Variants in MYO16 observed in about 807,000 individuals in gnomAD.
MYO16 encodes the protein myosin XVI.
MYO16 carries 94 observed loss-of-function variants against 205.3 expected under a neutral mutation model. The ratio of observed to expected loss-of-function variants is 0.46; its 90% CI spans 0.39 to 0.54. The LOEUF is 0.54. Among genes scored for constraint, MYO16 ranks in the 20% least tolerant of loss-of-function variants. The pLI, the probability that MYO16 is intolerant of heterozygous loss-of-function variation, is 0.00. For missense variants in MYO16, 2,315 were observed against 2,387.5 expected (o/e 0.97, Z 0.63); for synonymous variants, 988 against 954.0 (o/e 1.04, Z -0.66).
chr13:108,668,597 AG>A (rs1166075357), intron 2 of MYO16, among the ~76,000 whole-genome samples: 2 of 152,166 alleles, frequency 1.3e-5, no homozygotes, highest in Admixed American at 1.3e-4. Context: ...CTTGGATCAG[AG>A]CCCCCTCCTC....
At chr13:109,107,810 C>CATATTTATATT (rs1555332132) in intron 28 of MYO16, among the ~76,000 whole-genome samples, 2 of 141,398 alleles carry the variant, frequency 1.4e-5, no homozygotes, top group Non-Finnish European at 3.1e-5. Flanking sequence ...CATATATATT[C>CATATTTATATT]ATATTATATT....
intron 12 of MYO16, among the ~76,000 whole-genome samples, chr13:108,874,868 C>A (rs1879251620): frequency 6.6e-6 from 1 of 152,126 alleles, no homozygotes; most frequent in Non-Finnish European, 1.5e-5. Context: ...GCGAAACCAG[C>A]AGCCCAGGGC....
intron 13 of MYO16, among the ~76,000 whole-genome samples, chr13:108,886,019 G>C (rs1879857325): frequency 1.3e-5 from 2 of 151,466 alleles, no homozygotes; most frequent in African/African-American, 4.9e-5. Flanking sequence ...CTTGAGTCTC[G>C]CTCTGTCGCC....
intron 16 of MYO16, among the ~76,000 whole-genome samples, chr13:108,949,576 A>G (rs1261996553): frequency 1.3e-5 from 2 of 152,220 alleles, no homozygotes; most frequent in Non-Finnish European, 2.9e-5. Context: ...GGAAGATTCA[A>G]TATAGTAAAA....
chr13:109,192,221 C>T (rs1430402424), intron 34 of MYO16, among the ~76,000 whole-genome samples: 1 of 152,128 alleles, frequency 6.6e-6, no homozygotes, highest in Admixed American at 6.6e-5. Flanking sequence ...AAGTGTCATG[C>T]AGTCAATGAT....
intron 28 of MYO16, among the ~76,000 whole-genome samples, chr13:109,110,147 A>G (rs1397951201): frequency 2.0e-5 from 3 of 152,234 alleles, no homozygotes; most frequent in Non-Finnish European, 4.4e-5. Flanking sequence ...CATTTTGTTA[A>G]AAAGAAAGAT....
chr13:109,198,692 C>A (rs1032910794), intron 34 of MYO16, among the ~76,000 whole-genome samples: 1 of 152,164 alleles, frequency 6.6e-6, no homozygotes, highest in African/African-American at 2.4e-5. Context: ...CATGGTACAA[C>A]TGTAACAGCT....
rs1250669381 is a variant in MYO16, at chr13:109,054,048, A to G, written c.3049-998A>G. 2.6e-5 allele frequency among the ~76,000 whole-genome samples: 4 copies of G among 152,152 alleles called. No homozygotes were observed. The South Asian group carries it at 8.3e-4, about 31-fold the overall frequency. ...TTTTAAGAAAAACGATTTTAGATCA[A>G]TAAGTCCATTAGTCTAATATATAAT... On this transcript the variant is annotated intron_variant, in intron 25 of 34. Coordinates refer to ENST00000457511, the MANE Select transcript of MYO16 (RefSeq NM_001198950.3).
chr13:108,591,752 G>T (rs1878405944), upstream of MYO16, among the ~76,000 whole-genome samples: 1 of 152,062 alleles, frequency 6.6e-6, no homozygotes, highest in Non-Finnish European at 1.5e-5. Flanking sequence ...GACCTACTTT[G>T]AAGTTTCAAA....
intron 13 of MYO16, among the ~76,000 whole-genome samples, chr13:108,884,154 G>A (rs1349053049): frequency 3.3e-5 from 5 of 152,302 alleles, no homozygotes; most frequent in South Asian, 2.1e-4. Context: ...CACACAACTC[G>A]AGTCAAAGTG....
chr13:109,062,096 G>T (rs1049637009), intron 27 of MYO16, among the ~76,000 whole-genome samples: 8 of 151,994 alleles, frequency 5.3e-5, no homozygotes, highest in South Asian at 4.1e-4. Context: ...GAGAGAGAGA[G>T]ATATCATAAA....
intron 9 of MYO16, among the ~76,000 whole-genome samples, chr13:108,826,622 G>A (rs1876285880): frequency 6.6e-6 from 1 of 151,874 alleles, no homozygotes; most frequent in Non-Finnish European, 1.5e-5. Context: ...ACACACAATG[G>A]GAGAAAATTT....
chr13:108,608,846 GTT>G (rs1171318738), intron 1 of MYO16, among the ~76,000 whole-genome samples: 1 of 152,124 alleles, frequency 6.6e-6, no homozygotes, highest in Non-Finnish European at 1.5e-5. Flanking sequence ...GTTTCACCAT[GTT>G]GGCCAGGTTG....
Position 109,200,715 on chromosome 13 carries a change from G to A in MYO16, c.5416-5894G>A, listed in dbSNP as rs116716552. ...TTTTTTTTTTGTCAAAATCCTTCCC[G>A]ACAAGCCTAATTCAGATGAGCAGCC... is the stretch of plus-strand genomic sequence containing the variant. On this transcript the variant is annotated intron_variant, in intron 34 of 34. Transcript: ENST00000457511. 5.5e-3 allele frequency among the ~76,000 whole-genome samples: 800 copies of A among 146,128 alleles called. 9 individuals are homozygous for A. Among genetic ancestry groups the A allele is most frequent in the African/African-American group, 0.019 (769 of 39,470 alleles).
chr13:108,979,510 A>G (rs1884383881), intron 20 of MYO16, among the ~76,000 whole-genome samples: 1 of 152,116 alleles, frequency 6.6e-6, no homozygotes, highest in African/African-American at 2.4e-5. Context: ...TTACCATTAA[A>G]TAATGAGATT....
intron 16 of MYO16, among the ~76,000 whole-genome samples, chr13:108,948,331 A>C (rs1297357094): frequency 6.6e-6 from 1 of 152,262 alleles, no homozygotes; most frequent in East Asian, 1.9e-4. Flanking sequence ...CACAGCAGAT[A>C]AAAAAACTGA....
chr13:108,943,267 C>T (rs945024249), intron 16 of MYO16, among the ~76,000 whole-genome samples: 1 of 152,154 alleles, frequency 6.6e-6, no homozygotes, highest in African/African-American at 2.4e-5. Context: ...ACTACAAGAA[C>T]ATTGTTTACC....
At chr13:108,700,707 C>T (rs1038116802) in intron 2 of MYO16, among the ~76,000 whole-genome samples, 2 of 152,208 alleles carry the variant, frequency 1.3e-5, no homozygotes, top group African/African-American at 2.4e-5. Flanking sequence ...CCAGCAGGAA[C>T]CCTTTAGTAT....
At chr13:108,923,864 A>G (rs1881858000) in intron 16 of MYO16, among the ~76,000 whole-genome samples, 1 of 152,200 alleles carries the variant, frequency 6.6e-6, no homozygotes, top group African/African-American at 2.4e-5. Context: ...AATTATTCTT[A>G]GATCAGCATT....
Sources: gnomAD v4.1 joint callset for allele counts (sites outside exome capture counted in the v4.1 genomes callset) on GRCh38, gnomAD v4.1.1 for gene constraint, MANE v1.5 for transcripts, NCBI Gene and HGNC (gene_info 2026-07-23, HGNC 2026-07-21) for gene names.